Variants in HPSE2 observed in about 807,000 individuals in gnomAD.
HPSE2 encodes heparanase 2 (inactive), also known as inactive heparanase-2.
In HPSE2, 38 loss-of-function variants were observed where a neutral mutation model predicts 60.5. The ratio of observed to expected loss-of-function variants is 0.63; its 90% confidence interval spans 0.48 to 0.82. The LOEUF is 0.82. HPSE2 is among the 40% of genes least tolerant of loss of function. The pLI is 0.00. For missense variants in HPSE2, 713 were observed against 740.4 expected, an observed-to-expected ratio of 0.96 and a Z score of 0.43; for synonymous variants, 295 against 293.2, an observed-to-expected ratio of 1.01 and a Z score of -0.06.
chr10:98,600,911 G>GTATATATGTGTGTGTGTATATATA lies in HPSE2; in HGVS notation c.1320+13992_1320+13993insTATATATACACACACACATATATA, dbSNP rs576143051. 2.0e-3 allele frequency among the ~76,000 whole-genome samples: 149 copies of GTATATATGTGTGTGTGTATATATA among 73,682 alleles called. 1 individual carries two copies. Among genetic ancestry groups the GTATATATGTGTGTGTGTATATATA allele is most frequent in the East Asian group, 0.014 (34 of 2,472 alleles). The allele number at this position is 73,682 out of a possible 152,430, so 48.3% of individuals were successfully genotyped here. Reference sequence around the variant, plus strand: ...TATATACGTATATATATGTGTGTGTGTATATATATATATATATATATATAT... The same window carrying GTATATATGTGTGTGTGTATATATA: ...TATATACGTATATATATGTGTGTGTGTATATATGTGTGTGTGTATATATATATATATATATATATATATATATAT... On this transcript the variant is annotated intron_variant, in intron 9 of 11. Transcript: ENST00000370552.
intron 3 of HPSE2, among the ~76,000 whole-genome samples, chr10:98,887,959 AAAAG>A (rs1303464731): frequency 2.0e-5 from 3 of 151,436 alleles, no homozygotes; most frequent in African/African-American, 4.8e-5. Flanking sequence ...AAAATTAAAG[AAAAG>A]AAAGAATAAG....
chr10:98,978,148 T>C (rs1455855132), intron 3 of HPSE2, among the ~76,000 whole-genome samples: 2 of 152,128 alleles, frequency 1.3e-5, no homozygotes, highest in Non-Finnish European at 2.9e-5. Context: ...AGATTTGTTA[T>C]GCAAATGTTA....
intron 9 of HPSE2, among the ~76,000 whole-genome samples, chr10:98,515,654 A>G (rs1212002047): frequency 6.6e-6 from 1 of 152,222 alleles, no homozygotes; most frequent in East Asian, 1.9e-4. Context: ...TAGCAGGATT[A>G]CAGAGCATTT....
At chr10:98,824,027 G>A (rs1348816825) in intron 3 of HPSE2, among the ~76,000 whole-genome samples, 3 of 152,056 alleles carry the variant, frequency 2.0e-5, no homozygotes, top group Non-Finnish European at 4.4e-5. Flanking sequence ...ATTAAATGAA[G>A]AAGATTAAAA....
chr10:98,695,662 C>A (rs10786456), intron 5 of HPSE2, among the ~76,000 whole-genome samples: 1 of 151,914 alleles, frequency 6.6e-6, no homozygotes, highest in African/African-American at 2.4e-5. Context: ...ATGCCACCCC[C>A]CCTAGCAGCA....
At chr10:98,880,327 T>C (rs1428203787) in intron 3 of HPSE2, among the ~76,000 whole-genome samples, 7 of 152,078 alleles carry the variant, frequency 4.6e-5, no homozygotes, top group Admixed American at 4.6e-4. Flanking sequence ...CAACTAAGTA[T>C]CCTGCAACTC....
chr10:98,671,679 A>G (rs1237416999), intron 6 of HPSE2, among the ~76,000 whole-genome samples: 1 of 152,180 alleles, frequency 6.6e-6, no homozygotes, highest in Non-Finnish European at 1.5e-5. Flanking sequence ...AGGGTGATAA[A>G]GGGAAGGGAA....
At chr10:99,078,514 C>A (rs1455151146) in intron 3 of HPSE2, among the ~76,000 whole-genome samples, 1 of 152,126 alleles carries the variant, frequency 6.6e-6, no homozygotes, top group Non-Finnish European at 1.5e-5. Context: ...CCAAAAAAGT[C>A]TGCATATGTT....
chr10:99,230,260 A>G (rs1849600881), intron 2 of HPSE2, among the ~76,000 whole-genome samples: 1 of 152,222 alleles, frequency 6.6e-6, no homozygotes, highest in Admixed American at 6.5e-5. Context: ...ACTCACACCA[A>G]AGGCAGAAAT....
At chr10:99,102,333 A>T (rs1209599209) in intron 3 of HPSE2, among the ~76,000 whole-genome samples, 1 of 152,226 alleles carries the variant, frequency 6.6e-6, no homozygotes, top group Non-Finnish European at 1.5e-5. Flanking sequence ...ACAAACTACC[A>T]TCAGAGAATA....
chr10:99,094,988 A>T (rs1199495618), intron 3 of HPSE2, among the ~76,000 whole-genome samples: 2 of 152,042 alleles, frequency 1.3e-5, no homozygotes, highest in Non-Finnish European at 2.9e-5. Context: ...AGGAGTTCCA[A>T]ACCAGCCTGG....
intron 3 of HPSE2, among the ~76,000 whole-genome samples, chr10:98,841,165 T>C (rs1030681708): frequency 1.3e-5 from 2 of 152,004 alleles, no homozygotes; most frequent in African/African-American, 4.8e-5. Flanking sequence ...GGCTGAGGCA[T>C]GAGAATCGCT....
At chr10:99,086,346 C>CTTTTTTTTTTTT (rs66562418) in intron 3 of HPSE2, among the ~76,000 whole-genome samples, 2 of 83,008 alleles carry the variant, frequency 2.4e-5, no homozygotes, top group Admixed American at 1.8e-4. Context: ...AAAGTACTTT[C>CTTTTTTTTTTTT]TTTTTTTTTT....
intron 11 of HPSE2, among the ~76,000 whole-genome samples, chr10:98,480,061 T>C (rs1489962282): frequency 1.3e-5 from 2 of 151,710 alleles, no homozygotes; most frequent in Non-Finnish European, 2.9e-5. Flanking sequence ...CCCTGTAGAA[T>C]GAAATTCTCT....
chr10:98,814,350 T>C (rs1203791737), intron 3 of HPSE2, among the ~76,000 whole-genome samples: 1 of 152,210 alleles, frequency 6.6e-6, no homozygotes, highest in African/African-American at 2.4e-5. Flanking sequence ...AGTATTTTTG[T>C]AGATTATACA....
chr10:98,565,458 A>G (rs1249509545), intron 9 of HPSE2, among the ~76,000 whole-genome samples: 1 of 152,172 alleles, frequency 6.6e-6, no homozygotes, highest in Non-Finnish European at 1.5e-5. Context: ...TAGTTTGCTG[A>G]GGATGATGGC....
chr10:98,865,632 T>C (rs1223130395), intron 3 of HPSE2, among the ~76,000 whole-genome samples: 3 of 152,078 alleles, frequency 2.0e-5, no homozygotes, highest in Non-Finnish European at 4.4e-5. Flanking sequence ...TCTAGACATC[T>C]CCAGAAAGTT....
At chr10:98,732,556 G>T (rs1949253395) in intron 4 of HPSE2, among the ~76,000 whole-genome samples, 1 of 151,928 alleles carries the variant, frequency 6.6e-6, no homozygotes, top group Non-Finnish European at 1.5e-5. Flanking sequence ...TTTAATAAAT[G>T]GTACTGGGAA....
intron 7 of HPSE2, among the ~76,000 whole-genome samples, chr10:98,638,301 C>T (rs1301088240): frequency 4.0e-5 from 6 of 151,794 alleles, no homozygotes; most frequent in Middle Eastern, 3.4e-3. Flanking sequence ...AAAAATCAGC[C>T]GGGAGTGGTG....
Sources: gnomAD v4.1 joint callset for allele counts (sites outside exome capture counted in the v4.1 genomes callset) on GRCh38, gnomAD v4.1.1 for gene constraint, MANE v1.5 for transcripts, NCBI Gene and HGNC (gene_info 2026-07-23, HGNC 2026-07-21) for gene names.